CHSY3: variants seen among roughly 807,000 people sequenced by gnomAD.
The protein encoded by CHSY3 is chondroitin sulfate synthase 3.
CHSY3 carries 35 observed loss-of-function variants against 67.2 expected under a neutral mutation model. The observed-to-expected ratio is 0.52, with a 90% CI of 0.40 to 0.69. The LOEUF (loss-of-function observed/expected upper bound fraction) is 0.69. CHSY3 is among the 30% of genes least tolerant of loss of function. The probability of loss-of-function intolerance (pLI) is 0.00; values close to 1 mark genes in which losing one functional copy is unlikely to be tolerated. For synonymous variants in CHSY3, 474 were observed against 434.7 expected, an observed-to-expected ratio of 1.09 and a Z score of -1.12; for missense variants, 1,069 against 1,138.5, an observed-to-expected ratio of 0.94 and a Z score of 0.88.
At chr5:130,148,948 C>T (rs1028585364) in intron 2 of CHSY3, among the ~76,000 whole-genome samples, 1 of 152,120 alleles carries the variant, frequency 6.6e-6, no homozygotes, top group Admixed American at 6.6e-5. Flanking sequence ...CTTTTGGCAT[C>T]TTCATTATGA....
intron 2 of CHSY3, among the ~76,000 whole-genome samples, chr5:130,131,663 G>T (rs1419112994): frequency 6.6e-6 from 1 of 152,086 alleles, no homozygotes; most frequent in African/African-American, 2.4e-5. Flanking sequence ...CCAGGTAGTT[G>T]CTCTCAGAGC....
At chr5:129,960,820 A>C (rs1480398501) in intron 2 of CHSY3, among the ~76,000 whole-genome samples, 2 of 152,010 alleles carry the variant, frequency 1.3e-5, no homozygotes, top group African/African-American at 4.8e-5. Flanking sequence ...TATGTACCCT[A>C]CTCCAAATAA....
intron 2 of CHSY3, among the ~76,000 whole-genome samples, chr5:130,167,569 A>G (rs2149731130): frequency 6.6e-6 from 1 of 152,292 alleles, no homozygotes; most frequent in Non-Finnish European, 1.5e-5. Flanking sequence ...GGAAATGTTA[A>G]GGCCATCTTG....
chr5:129,999,473 G>A (rs904434308), intron 2 of CHSY3, among the ~76,000 whole-genome samples: 7 of 152,184 alleles, frequency 4.6e-5, no homozygotes, highest in African/African-American at 1.7e-4. Context: ...GATAATGGCA[G>A]TGGTGGAGTA....
At chr5:129,999,009 A>G (rs969179406) in intron 2 of CHSY3, among the ~76,000 whole-genome samples, 1 of 152,046 alleles carries the variant, frequency 6.6e-6, no homozygotes, top group Admixed American at 6.6e-5. Flanking sequence ...AGATTAGGTT[A>G]AATATTGTAC....
At chr5:129,966,309 G>C (rs777304287) in intron 2 of CHSY3, among the ~76,000 whole-genome samples, 9 of 151,766 alleles carry the variant, frequency 5.9e-5, no homozygotes, top group Non-Finnish European at 1.2e-4. Flanking sequence ...TGAAAATAAG[G>C]CCGCATTTTC....
At chr5:130,143,219 CA>C (rs1768924346) in intron 2 of CHSY3, among the ~76,000 whole-genome samples, 1 of 152,064 alleles carries the variant, frequency 6.6e-6, no homozygotes, top group East Asian at 1.9e-4. Context: ...ATCATTGTCA[CA>C]ACTTGTCTAA....
intron 2 of CHSY3, among the ~76,000 whole-genome samples, chr5:129,979,552 A>C (rs563107072): frequency 3.3e-5 from 5 of 152,114 alleles, no homozygotes; most frequent in Non-Finnish European, 7.3e-5. Context: ...CCGCATTATC[A>C]ACATCTCTCA....
At chr5:130,125,645 T>C (rs944965063) in intron 2 of CHSY3, among the ~76,000 whole-genome samples, 4 of 152,174 alleles carry the variant, frequency 2.6e-5, no homozygotes, top group African/African-American at 7.2e-5. Context: ...AGTCAAAATT[T>C]AGTCTCTTGA....
intron 2 of CHSY3, among the ~76,000 whole-genome samples, chr5:129,911,359 A>G (rs1402120261): frequency 6.6e-6 from 1 of 152,178 alleles, no homozygotes; most frequent in Non-Finnish European, 1.5e-5. Context: ...GGTTTGAGCC[A>G]CCATCCTAAC....
At chr5:130,082,891 C>T (rs1766490146) in intron 2 of CHSY3, among the ~76,000 whole-genome samples, 1 of 151,468 alleles carries the variant, frequency 6.6e-6, no homozygotes, top group South Asian at 2.1e-4. Flanking sequence ...TATACACACA[C>T]ACACATATAT....
At chr5:130,098,005 A>G (rs1767107177) in intron 2 of CHSY3, among the ~76,000 whole-genome samples, 1 of 152,158 alleles carries the variant, frequency 6.6e-6, no homozygotes, top group Non-Finnish European at 1.5e-5. Flanking sequence ...CTCCATCTCA[A>G]AAAAAGAAAG....
rs1295861113 is a variant in CHSY3, at chr5:130,185,568, A to T, written c.2426A>T (p.Asp809Val). ...CAAGGCTGGGGACTAGAAGATGTAG[A>T]TCTCTACAATAAAGTCATTCTATCT... The part of the protein sequence containing the change: ...SIQGWGLEDV[D>V]LYNKVILSGL... Residue 809 changes from aspartate (D) to valine (V), a missense_variant, in exon 3 of 3, where the codon GAT becomes GTT. This residue lies in a region of CHSY3 where 139 missense variants were observed against 152.8 expected (regional missense o/e 0.91). Coordinates refer to ENST00000305031, the MANE Select transcript of CHSY3 (RefSeq NM_175856.5). 1 of 1,614,168 alleles carries T rather than the reference A, an allele frequency of 6.2e-7. No individual in the cohort carries two copies. Among genetic ancestry groups the T allele is most frequent in the East Asian group, 2.2e-5 (1 of 44,878 alleles).
intron 2 of CHSY3, among the ~76,000 whole-genome samples, chr5:129,911,841 G>A (rs1401000728): frequency 2.0e-5 from 3 of 152,278 alleles, no homozygotes; most frequent in East Asian, 1.9e-4. Flanking sequence ...CGGATCACTA[G>A]GTCAGGAGAT....
intron 2 of CHSY3, among the ~76,000 whole-genome samples, chr5:129,955,955 G>A (rs1762159008): frequency 6.6e-6 from 1 of 152,098 alleles, no homozygotes; most frequent in African/African-American, 2.4e-5. Context: ...TGAACATTTA[G>A]GTTGATTCCA....
intron 2 of CHSY3, among the ~76,000 whole-genome samples, chr5:129,929,359 G>T (rs889792907): frequency 2.0e-5 from 3 of 152,208 alleles, no homozygotes; most frequent in Admixed American, 1.3e-4. Flanking sequence ...ACAGAAAATT[G>T]TATCTTTTAC....
intron 2 of CHSY3, among the ~76,000 whole-genome samples, chr5:130,155,148 T>G (rs1157287112): frequency 6.6e-6 from 1 of 152,226 alleles, no homozygotes; most frequent in Non-Finnish European, 1.5e-5. Flanking sequence ...AACCTTGGTT[T>G]TAATTCTTCA....
At chr5:130,053,449 G>A (rs1044489227) in intron 2 of CHSY3, among the ~76,000 whole-genome samples, 8 of 152,270 alleles carry the variant, frequency 5.3e-5, no homozygotes, top group African/African-American at 1.9e-4. Context: ...CTATAGAGTA[G>A]AAATGCATCC....
intron 2 of CHSY3, among the ~76,000 whole-genome samples, chr5:130,087,803 T>G (rs926489825): frequency 2.4e-4 from 37 of 151,582 alleles, no homozygotes; most frequent in Middle Eastern, 6.8e-3. Context: ...CAAGGTAATT[T>G]ATAGATTCAA....
Sources: gnomAD v4.1 joint callset for allele counts (sites outside exome capture counted in the v4.1 genomes callset) on GRCh38, gnomAD v4.1.1 for gene constraint, gnomAD v4.1.1 regional missense constraint, MANE v1.5 for transcripts, NCBI Gene and HGNC (gene_info 2026-07-23, HGNC 2026-07-21) for gene names.